RASGRF2: variants seen among roughly 807,000 people sequenced by gnomAD.
RASGRF2 encodes Ras protein specific guanine nucleotide releasing factor 2, also known as ras-specific guanine nucleotide-releasing factor 2.
Under a neutral mutation model 151.0 loss-of-function variants are expected in RASGRF2, and 76 were observed. The ratio of observed to expected loss-of-function variants is 0.50; its 90% confidence interval spans 0.42 to 0.61. The LOEUF (loss-of-function observed/expected upper bound fraction) is 0.61, where lower values mean the gene tolerates loss of function less well. Among genes scored for constraint, RASGRF2 ranks in the 20% least tolerant of loss-of-function variants. RASGRF2 has a pLI of 0.00. For missense variants in RASGRF2, 1,148 were observed against 1,564.6 expected (o/e 0.73, Z 4.49); for synonymous variants, 504 against 566.5 (o/e 0.89, Z 1.57).
intron 1 of RASGRF2, among the ~76,000 whole-genome samples, chr5:80,982,451 G>A (rs1748333203): frequency 1.3e-5 from 2 of 151,838 alleles, no homozygotes; most frequent in African/African-American, 4.8e-5. Flanking sequence ...TAGGAAGAAG[G>A]AAGAACTAGG....
intron 1 of RASGRF2, among the ~76,000 whole-genome samples, chr5:81,004,248 G>A (rs1206849327): frequency 6.6e-6 from 1 of 152,194 alleles, no homozygotes; most frequent in African/African-American, 2.4e-5. Context: ...ACAATGAGCA[G>A]TTTCCTGTCA....
chr5:80,969,827 T>A (rs1399437734), intron 1 of RASGRF2, among the ~76,000 whole-genome samples: 1 of 91,670 alleles, frequency 1.1e-5, no homozygotes, highest in Non-Finnish European at 2.8e-5. Context: ...TTTTTTTTTT[T>A]TTTTTTTTTT....
intron 1 of RASGRF2, among the ~76,000 whole-genome samples, chr5:81,034,804 TG>T (rs3991135): frequency 1.1e-5 from 1 of 89,316 alleles, no homozygotes; most frequent in Non-Finnish European, 2.3e-5. Flanking sequence ...TGTTGTGGGG[TG>T]GGAGGGGGGT....
chr5:81,169,106 T>C (rs1451430728), intron 17 of RASGRF2, among the ~76,000 whole-genome samples: 1 of 152,242 alleles, frequency 6.6e-6, no homozygotes, highest in African/African-American at 2.4e-5. Context: ...TCCAGTGTGA[T>C]CATTAGATGT....
At chr5:81,018,336 A>G (rs111362307) in intron 1 of RASGRF2, among the ~76,000 whole-genome samples, 4 of 152,120 alleles carry the variant, frequency 2.6e-5, no homozygotes, top group Non-Finnish European at 4.4e-5. Context: ...TGCCGACCTT[A>G]CTGTTATTTT....
intron 17 of RASGRF2, among the ~76,000 whole-genome samples, chr5:81,159,136 T>G (rs903181232): frequency 2.0e-5 from 3 of 152,248 alleles, no homozygotes; most frequent in African/African-American, 7.2e-5. Context: ...TCATGCTATA[T>G]ATTAAATGTG....
intron 2 of RASGRF2, among the ~76,000 whole-genome samples, chr5:81,055,963 GA>G (rs1187243033): frequency 1.3e-5 from 2 of 151,904 alleles, no homozygotes; most frequent in Non-Finnish European, 2.9e-5. Context: ...ATTTCTGTGG[GA>G]TCAGTGATAT....
intron 9 of RASGRF2, 187 bp downstream of exon 9, chr5:81,087,140 A>C (rs1204102480): frequency 2.8e-6 from 2 of 705,918 alleles, no homozygotes; most frequent in Admixed American, 2.0e-5. Context: ...ACCATGAAAA[A>C]CAGCAACACA....
intron 17 of RASGRF2, among the ~76,000 whole-genome samples, chr5:81,133,381 G>A (rs955216278): frequency 9.9e-5 from 15 of 152,208 alleles, no homozygotes; most frequent in African/African-American, 3.6e-4. Context: ...GTATTTGCAG[G>A]CACCTGCTCA....
intron 12 of RASGRF2, among the ~76,000 whole-genome samples, chr5:81,103,881 A>G (rs1424668355): frequency 6.6e-6 from 1 of 152,194 alleles, no homozygotes; most frequent in Non-Finnish European, 1.5e-5. Flanking sequence ...TGGGATATAT[A>G]GCAGTTAATA....
In RASGRF2 at chr5:81,085,782, T is replaced by A. The variant is rs1262179415; in HGVS notation, c.1162-20T>A. ...ACCCATCCTGATGTCTTGCTCATACTGGCCTCTGTTTGCATCTAGATCCCC... is the reference window on the plus strand; with the variant it reads ...ACCCATCCTGATGTCTTGCTCATACAGGCCTCTGTTTGCATCTAGATCCCC... On this transcript the variant is annotated intron_variant, in intron 7 of 26. Transcript: ENST00000265080. 1.2e-6 allele frequency: 2 copies of A among 1,613,862 alleles called. No individual in the cohort carries two copies. Among genetic ancestry groups the A allele is most frequent in the Non-Finnish European group, 1.7e-6 (2 of 1,179,950 alleles).
At chr5:81,037,638 A>G (rs140593550) in intron 1 of RASGRF2, among the ~76,000 whole-genome samples, 289 of 152,364 alleles carry the variant, frequency 1.9e-3, no homozygotes, top group African/African-American at 6.7e-3. Flanking sequence ...AAAAAGATCA[A>G]TACAAAATTG....
intron 1 of RASGRF2, among the ~76,000 whole-genome samples, chr5:81,041,577 C>T (rs1335752022): frequency 6.6e-6 from 1 of 152,140 alleles, no homozygotes. Flanking sequence ...TTGTAAAGTT[C>T]CCCATTCCAT....
chr5:80,995,684 T>TCC (rs34823229), intron 1 of RASGRF2, among the ~76,000 whole-genome samples: 17,902 of 67,584 alleles, frequency 0.26, 2,943 homozygotes, highest in South Asian at 0.32. Context: ...TTCCTTTCCT[T>TCC]CCCCCCCCCT....
intron 18 of RASGRF2, among the ~76,000 whole-genome samples, chr5:81,190,777 G>A (rs1416478596): frequency 2.0e-5 from 3 of 152,164 alleles, no homozygotes; most frequent in African/African-American, 7.2e-5. Flanking sequence ...TATTAAGCTA[G>A]CATAAGCTAG....
chr5:81,069,597 T>G lies in RASGRF2; in HGVS notation c.544-895T>G, dbSNP rs147398823. ...CTGAATGTAGATTGCAGCAAAAAACTGTCAGTTGCAGGTATGTCTTCTCTG... is the reference window on the plus strand; with the variant it reads ...CTGAATGTAGATTGCAGCAAAAAACGGTCAGTTGCAGGTATGTCTTCTCTG... On this transcript the variant is annotated intron_variant, in intron 3 of 26. Coordinates refer to ENST00000265080, the MANE Select transcript of RASGRF2 (RefSeq NM_006909.3). Among the ~76,000 whole-genome samples, 782 of 152,338 alleles carry G rather than the reference T, an allele frequency of 5.1e-3. 8 individuals carry two copies. Among genetic ancestry groups the G allele is most frequent in the African/African-American group, 0.018 (752 of 41,560 alleles).
chr5:81,216,196 C>T (rs1207110040), intron 24 of RASGRF2, among the ~76,000 whole-genome samples: 3 of 152,218 alleles, frequency 2.0e-5, no homozygotes, highest in South Asian at 2.1e-4. Flanking sequence ...GTAATACCAC[C>T]ATAATAAATC....
intron 1 of RASGRF2, among the ~76,000 whole-genome samples, chr5:81,025,413 C>T (rs899406464): frequency 4.6e-5 from 7 of 152,152 alleles, no homozygotes; most frequent in Admixed American, 2.0e-4. Context: ...AGCTTGAGGC[C>T]GAGAGAACAC....
chr5:81,055,338 G>A (rs571679121), intron 2 of RASGRF2, among the ~76,000 whole-genome samples: 48 of 152,156 alleles, frequency 3.2e-4, no homozygotes, highest in African/African-American at 7.2e-4. Context: ...TAGCATGAAG[G>A]GCTGTTGAAT....
Sources: gnomAD v4.1 joint callset for allele counts (sites outside exome capture counted in the v4.1 genomes callset) on GRCh38, gnomAD v4.1.1 for gene constraint, MANE v1.5 for transcripts, NCBI Gene and HGNC (gene_info 2026-07-23, HGNC 2026-07-21) for gene names.